The following NRG1 variants were observed in gnomAD, a reference collection of about 807,000 sequenced individuals.
NRG1 encodes neuregulin 1, also known as pro-neuregulin-1, membrane-bound isoform.
NRG1 carries 18 observed loss-of-function variants against 63.8 expected under a neutral mutation model. The ratio of observed to expected loss-of-function variants is 0.28; its 90% CI spans 0.19 to 0.42. The LOEUF (loss-of-function observed/expected upper bound fraction) is 0.42, where lower values mean the gene tolerates loss of function less well. Among genes scored for constraint, NRG1 ranks in the 10% least tolerant of loss-of-function variants. The pLI, the probability that NRG1 is intolerant of heterozygous loss-of-function variation, is 1.00. For missense variants in NRG1, 762 were observed against 814.7 expected (o/e 0.94, Z 0.79); for synonymous variants, 302 against 301.3 (o/e 1.00, Z -0.02).
chr8:31,995,956 C>T (rs1811898229), intron 1 of NRG1, among the ~76,000 whole-genome samples: 1 of 151,722 alleles, frequency 6.6e-6, no homozygotes, highest in Non-Finnish European at 1.5e-5. Context: ...TCTTTCAAAG[C>T]CCCTTTGAAA....
At chr8:32,490,264 C>T (rs1221888030) in intron 1 of NRG1, among the ~76,000 whole-genome samples, 2 of 151,582 alleles carry the variant, frequency 1.3e-5, no homozygotes, top group Admixed American at 6.6e-5. Flanking sequence ...GATATCGCGC[C>T]ACTGCACTCC....
At chr8:32,189,508 TG>T (rs576136121) in intron 1 of NRG1, among the ~76,000 whole-genome samples, 222 of 152,296 alleles carry the variant, frequency 1.5e-3, no homozygotes, top group African/African-American at 5.0e-3. Context: ...AATGTGCAAT[TG>T]GTAAATTTCT....
intron 1 of NRG1, among the ~76,000 whole-genome samples, chr8:32,243,989 G>A (rs983917): frequency 0.74 from 113,100 of 152,028 alleles, 43,161 homozygotes; most frequent in African/African-American, 0.91. Flanking sequence ...TTTAAGCCAC[G>A]CAGTCTATGG....
chr8:32,599,283 A>G (rs2129538219), intron 2 of NRG1, among the ~76,000 whole-genome samples: 1 of 152,210 alleles, frequency 6.6e-6, no homozygotes, highest in South Asian at 2.1e-4. Context: ...AGCAGAGGTG[A>G]AGTTTAGTTT....
intron 1 of NRG1, among the ~76,000 whole-genome samples, chr8:32,401,593 A>G (rs1397378577): frequency 6.6e-6 from 1 of 152,168 alleles, no homozygotes; most frequent in Non-Finnish European, 1.5e-5. Flanking sequence ...AGAAACATGG[A>G]TGGAGCTGGA....
At chr8:31,762,106 A>T (rs183145143) in intron 1 of NRG1, among the ~76,000 whole-genome samples, 320 of 152,278 alleles carry the variant, frequency 2.1e-3, no homozygotes, top group Non-Finnish European at 3.7e-3. Flanking sequence ...TTCTTCTAAA[A>T]AAACAGGGTA....
At chr8:32,351,701 C>T (rs558997534) in intron 1 of NRG1, among the ~76,000 whole-genome samples, 34 of 152,138 alleles carry the variant, frequency 2.2e-4, no homozygotes, top group Non-Finnish European at 4.3e-4. Flanking sequence ...AGAAAACCTC[C>T]TTTTTAAATT....
In NRG1 at chr8:32,484,500, T is replaced by C. The variant is rs1825685628; in HGVS notation, c.38-111328T>C. The stretch of plus-strand genomic sequence containing the variant: ...TTGATGAAAACACAATGAGTTCAGT[T>C]TGAAGCATTTTGAAGTCAAGGTGAT... On this transcript the variant is annotated intron_variant, in intron 1 of 10. Transcript: ENST00000519301. Among the ~76,000 whole-genome samples, 2 of 152,192 alleles carry C rather than the reference T, an allele frequency of 1.3e-5. 1 individual carries two copies. Among genetic ancestry groups the C allele is most frequent in the Admixed American group, 1.3e-4 (2 of 15,278 alleles).
intron 1 of NRG1, among the ~76,000 whole-genome samples, chr8:32,180,631 T>G (rs1328289139): frequency 2.0e-5 from 3 of 152,120 alleles, no homozygotes; most frequent in Non-Finnish European, 2.9e-5. Context: ...ATTATTTAAA[T>G]TTTAATTAAT....
intron 1 of NRG1, among the ~76,000 whole-genome samples, chr8:32,406,573 T>TC (rs111812389): frequency 0.97 from 146,945 of 152,180 alleles, 71,139 homozygotes; most frequent in East Asian, 1. Flanking sequence ...GGAATTATTT[T>TC]TACAGATTTA....
At chr8:32,164,008 C>T (rs73232244) in intron 1 of NRG1, among the ~76,000 whole-genome samples, 18,677 of 152,104 alleles carry the variant, frequency 0.12, 1,493 homozygotes, top group African/African-American at 0.23. Flanking sequence ...TGTATATGTA[C>T]GTGTGTGAAT....
intron 1 of NRG1, among the ~76,000 whole-genome samples, chr8:31,749,062 A>G (rs564118713): frequency 1.3e-5 from 2 of 152,030 alleles, no homozygotes; most frequent in African/African-American, 4.8e-5. Flanking sequence ...ATACAATACA[A>G]TGCAGCATTA....
At chr8:32,085,897 G>T (rs1586995327) in intron 1 of NRG1, among the ~76,000 whole-genome samples, 1 of 152,342 alleles carries the variant, frequency 6.6e-6, no homozygotes, top group East Asian at 1.9e-4. Flanking sequence ...ATCACACAGA[G>T]ATAGACATGG....
chr8:32,579,067 ATAAT>A (rs1028717233), intron 1 of NRG1, among the ~76,000 whole-genome samples: 3 of 152,136 alleles, frequency 2.0e-5, no homozygotes, highest in Non-Finnish European at 4.4e-5. Context: ...CACTAGAAAA[ATAAT>A]TTATTTTGTT....
chr8:32,696,753 C>T (rs575172901), intron 5 of NRG1, among the ~76,000 whole-genome samples: 1 of 150,846 alleles, frequency 6.6e-6, no homozygotes, highest in African/African-American at 2.4e-5. Context: ...CCTCCGCCTC[C>T]CAGGCTCAAG....
intron 1 of NRG1, among the ~76,000 whole-genome samples, chr8:31,813,047 TCTCTGCTACCCACAG>T (rs1173339462): frequency 6.6e-6 from 1 of 152,206 alleles, no homozygotes; most frequent in East Asian, 1.9e-4. Flanking sequence ...TTCTCATCAC[TCTCTGCTACCCACAG>T]CTGCCCGTCA....
Position 31,936,828 on chromosome 8 carries a change from G to A in NRG1, c.37+297397G>A, listed in dbSNP as rs1800979584. On this transcript the variant is annotated intron_variant, in intron 1 of 10. Coordinates refer to the NRG1 transcript ENST00000519301. The stretch of plus-strand genomic sequence containing the variant: ...ACAACCAAAACAAATCATTGTATCT[G>A]TGAATTGAAATGCATGTCATAAGAA... 2.0e-5 allele frequency among the ~76,000 whole-genome samples: 3 copies of A among 152,182 alleles called. No individual in the cohort carries two copies. The South Asian group carries it at 6.2e-4, about 32-fold the overall frequency.
chr8:31,976,262 T>A (rs954791976), intron 1 of NRG1, among the ~76,000 whole-genome samples: 2 of 152,206 alleles, frequency 1.3e-5, no homozygotes, highest in Non-Finnish European at 2.9e-5. Context: ...CAAGTTAATG[T>A]TATACAGTAG....
intron 1 of NRG1, among the ~76,000 whole-genome samples, chr8:31,768,386 T>C (rs943665034): frequency 6.6e-6 from 1 of 152,176 alleles, no homozygotes; most frequent in Admixed American, 6.6e-5. Flanking sequence ...TTTGGATAAA[T>C]AGAAAAATAT....
Sources: gnomAD v4.1 joint callset for allele counts (sites outside exome capture counted in the v4.1 genomes callset) on GRCh38, gnomAD v4.1.1 for gene constraint, MANE v1.5 for transcripts, NCBI Gene and HGNC (gene_info 2026-07-23, HGNC 2026-07-21) for gene names.